LTV1: variants seen among roughly 807,000 people sequenced by gnomAD.
The protein encoded by LTV1 is protein LTV1 homolog.
In LTV1, 39 loss-of-function variants were observed where a neutral mutation model predicts 59.9. The ratio of observed to expected loss-of-function variants is 0.65; its 90% CI spans 0.50 to 0.85. LTV1 has a LOEUF of 0.85. LTV1 is among the 40% of genes least tolerant of loss of function. LTV1 has a pLI of 0.00. For synonymous variants in LTV1, 171 were observed against 189.5 expected (o/e 0.90, Z 0.80); for missense variants, 493 against 549.1 (o/e 0.90, Z 1.02).
intron 4 of LTV1, among the ~76,000 whole-genome samples, chr6:143,851,730 C>T (rs2128491353): frequency 2.0e-5 from 3 of 152,220 alleles, no homozygotes; most frequent in African/African-American, 7.2e-5. Flanking sequence ...CCTAGGCCCC[C>T]ATCCCCCAAC....
chr6:143,848,198 A>AC (rs1313303681), intron 3 of LTV1, among the ~76,000 whole-genome samples: 1 of 152,208 alleles, frequency 6.6e-6, no homozygotes, highest in Non-Finnish European at 1.5e-5. Context: ...CTTGTGTTTA[A>AC]CCCCAAACTT....
At chr6:143,852,149 A>G (rs1776993877) in intron 4 of LTV1, among the ~76,000 whole-genome samples, 2 of 152,306 alleles carry the variant, frequency 1.3e-5, no homozygotes, top group East Asian at 3.9e-4. Flanking sequence ...GAATCGCCAC[A>G]CTGTCTTCCA....
chr6:143,860,580 A>G (rs1777146430), intron 7 of LTV1, 27 bp downstream of exon 7: 1 of 1,562,710 alleles, frequency 6.4e-7, no homozygotes, highest in South Asian at 1.3e-5. Context: ...TTCCTTGTTT[A>G]GCTGTTCTTT....
Position 143,856,655 on chromosome 6 carries a change from C to T in LTV1, c.398-648C>T, listed in dbSNP as rs182652502. Among the ~76,000 whole-genome samples the T allele has an allele frequency of 7.9e-5, 12 of 152,222 alleles. No individual in the cohort carries two copies. In the East Asian group the frequency reaches 2.1e-3, roughly 27 times the overall value. On this transcript the variant is annotated intron_variant, in intron 4 of 10. Coordinates refer to ENST00000367576, the MANE Select transcript of LTV1 (RefSeq NM_032860.5). The stretch of plus-strand genomic sequence containing the variant: ...CCTATTTGTTGATGTTGATGCTATT[C>T]CTTTCTGTTAGGTTTATTTCTAACA...
intron 6 of LTV1, among the ~76,000 whole-genome samples, chr6:143,859,869 C>T (rs1006728830): frequency 9.9e-5 from 15 of 151,900 alleles, no homozygotes; most frequent in African/African-American, 1.5e-4. Flanking sequence ...TGTGGGAGGC[C>T]GAAGCAGATG....
Position 143,860,449 on chromosome 6 carries a change from T to C in LTV1, c.819T>C (p.Asp273=). Residue 273 remains aspartate, a synonymous_variant, in exon 7 of 11, where the codon GAT becomes GAC. Transcript: ENST00000367576. The part of the protein sequence containing the change: ...FEKFYEQYDD[D]EIGALDNAEL... Reference sequence around the variant, plus strand: ...AGTTTTATGAGCAATATGATGATGATGAAATTGGAGCTCTGGATAATGCAG... The same window carrying C: ...AGTTTTATGAGCAATATGATGATGACGAAATTGGAGCTCTGGATAATGCAG... The C allele has an allele frequency of 1.2e-6, 2 of 1,613,278 alleles. No individual in the cohort carries two copies. The highest frequency in any genetic ancestry group is 1.7e-6 in the Non-Finnish European group (2 of 1,179,586).
chr6:143,860,889 G>A (rs941191189), intron 7 of LTV1, among the ~76,000 whole-genome samples: 2 of 151,116 alleles, frequency 1.3e-5, no homozygotes, highest in Admixed American at 6.6e-5. Flanking sequence ...ATGTGTATTC[G>A]TTTATTAAAT....
rs145497404 is a variant in LTV1 at position 143,852,765 on chromosome 6, C to T, written c.397+2547C>T. On this transcript the variant is annotated intron_variant, in intron 4 of 10. Coordinates refer to ENST00000367576, the MANE Select transcript of LTV1 (RefSeq NM_032860.5). ...TTTGTATAAGGTGTAAAGAAGGGGT[C>T]CAATTTCAGTTTTCTGCATATGGCT... 1.6e-3 allele frequency among the ~76,000 whole-genome samples: 238 copies of T among 152,260 alleles called. 1 individual carries two copies. The highest frequency in any genetic ancestry group is 2.6e-3 in the Non-Finnish European group (176 of 68,026).
At chr6:143,848,888 C>T (rs967963497) in intron 3 of LTV1, among the ~76,000 whole-genome samples, 1 of 152,082 alleles carries the variant, frequency 6.6e-6, no homozygotes, top group African/African-American at 2.4e-5. Context: ...ACTGTGGTTC[C>T]GTGTCAGGCA....
chr6:143,844,279 G>T (rs1015808781), intron 1 of LTV1, among the ~76,000 whole-genome samples: 3 of 152,180 alleles, frequency 2.0e-5, no homozygotes, highest in Non-Finnish European at 4.4e-5. Flanking sequence ...ACAAGGTCTG[G>T]CACAAAGTAG....
chr6:143,844,385 A>C, intron 1 of LTV1, 101 bp from the exon 2 acceptor site: 1 of 1,287,130 alleles, frequency 7.8e-7, no homozygotes, highest in Non-Finnish European at 1.1e-6. Flanking sequence ...TTTAAAAAGT[A>C]TCTTTAACAT....
intron 2 of LTV1, 28 bp downstream of exon 2, chr6:143,844,645 T>C: frequency 1.9e-6 from 3 of 1,584,140 alleles, no homozygotes; most frequent in Non-Finnish European, 2.6e-6. Context: ...GCCAGTCAGT[T>C]TGTAGGTAGA....
At chr6:143,850,052 T>G (rs1054731282) in intron 3 of LTV1, 79 bp from the exon 4 acceptor site, 27 of 1,050,938 alleles carry the variant, frequency 2.6e-5, no homozygotes, top group Non-Finnish European at 4.0e-5. Flanking sequence ...GACATTGATT[T>G]GGGGGGGACT....
Position 143,855,645 on chromosome 6 carries a change from C to T in LTV1, c.398-1658C>T, listed in dbSNP as rs1562331310. The stretch of plus-strand genomic sequence containing the variant: ...TCTTGTAAGGCAGGCCTGGTGGTGA[C>T]AAAATCTCTCAGCATTTGCTTATCT... On this transcript the variant is annotated intron_variant, in intron 4 of 10. Transcript: ENST00000367576. The surrounding 1 kb of genome is among the most constrained non-coding windows in gnomAD (Gnocchi z 4.6). Among the ~76,000 whole-genome samples, 1 of 152,168 alleles carries T rather than the reference C, an allele frequency of 6.6e-6. No homozygotes were observed.
intron 2 of LTV1, among the ~76,000 whole-genome samples, chr6:143,845,746 A>G (rs564862356): frequency 5.0e-4 from 76 of 152,342 alleles, no homozygotes; most frequent in Middle Eastern, 3.4e-3. Flanking sequence ...TCTTGACTCA[A>G]AATGTTGCAC....
intron 3 of LTV1, among the ~76,000 whole-genome samples, chr6:143,847,853 T>A (rs1434222818): frequency 6.6e-6 from 1 of 152,212 alleles, no homozygotes; most frequent in Admixed American, 6.5e-5. Flanking sequence ...CATATACTTT[T>A]TTTACTTTAA....
At position 143,857,718 on chromosome 6, in the gene LTV1, T is replaced by A; in HGVS notation, c.540-34T>A. On this transcript the variant is annotated intron_variant, in intron 5 of 10. Coordinates refer to ENST00000367576, the MANE Select transcript of LTV1 (RefSeq NM_032860.5). The surrounding 1 kb of genome is among the most constrained non-coding windows in gnomAD (Gnocchi z 5.2). ...GGTTTTGTTCTGTTACTTTTTAAGT[T>A]GTTTTGGTAGGTAATTTATGACCTT... The A allele has an allele frequency of 1.2e-6, 2 of 1,609,890 alleles. No individual in the cohort carries two copies. The highest frequency in any genetic ancestry group is 1.7e-6 in the Non-Finnish European group (2 of 1,176,826).
Position 143,846,167 on chromosome 6 carries a change from A to G in LTV1, c.252A>G (p.Ser84=). 6.2e-7 allele frequency: 1 copy of G among 1,614,196 alleles called. No individual in the cohort carries two copies. Among genetic ancestry groups the G allele is most frequent in the Non-Finnish European group, 8.5e-7 (1 of 1,180,030 alleles). Residue 84 remains serine, a synonymous_variant, in exon 3 of 11, where the codon TCA becomes TCG. Coordinates refer to ENST00000367576, the MANE Select transcript of LTV1 (RefSeq NM_032860.5). Reference sequence around the variant, plus strand: ...CTGGGCCTTCAGAGCTTATTCCCTCAAGTACCTTCAGTGCACACAACAGGA... The same window carrying G: ...CTGGGCCTTCAGAGCTTATTCCCTCGAGTACCTTCAGTGCACACAACAGGA... ...EPSGPSELIP[S]STFSAHNRRE... is the part of the protein sequence containing the mutation.
chr6:143,851,070 T>C (rs1206091966), intron 4 of LTV1, among the ~76,000 whole-genome samples: 2 of 152,034 alleles, frequency 1.3e-5, no homozygotes, highest in Admixed American at 6.6e-5. Context: ...CAGAGGACTG[T>C]ATGTCCTAAG....
Sources: allele counts gnomAD v4.1 joint callset (sites outside exome capture counted in the v4.1 genomes callset), GRCh38; gene constraint gnomAD v4.1.1; non-coding constraint Gnocchi (gnomAD v3.1); transcripts MANE v1.5; gene names NCBI Gene and HGNC (gene_info 2026-07-23, HGNC 2026-07-21).